Variants in CSMD1 observed in about 807,000 individuals in gnomAD.
CSMD1 encodes the protein CUB and Sushi multiple domains 1, also known as CUB and sushi domain-containing protein 1.
Under a neutral mutation model 417.5 loss-of-function variants are expected in CSMD1, and 213 were observed. The observed-to-expected ratio is 0.51, with a 90% confidence interval of 0.46 to 0.57. The LOEUF is 0.57. Ranked by LOEUF, CSMD1 falls within the 20% of genes least tolerant of loss-of-function variation. The probability of loss-of-function intolerance (pLI) is 0.00; values close to 1 mark genes in which losing one functional copy is unlikely to be tolerated. For missense variants in CSMD1, 6,923 were observed against 4,529.7 expected (o/e 1.53, Z -15.17); for synonymous variants, 2,862 against 1,736.8 (o/e 1.65, Z -16.11).
chr8:3,627,861 C>A (rs1038204437), intron 7 of CSMD1, among the ~76,000 whole-genome samples: 2 of 152,138 alleles, frequency 1.3e-5, no homozygotes, highest in Admixed American at 6.5e-5. Flanking sequence ...GTTCTTTGTA[C>A]ATTAATTCAC....
At chr8:4,561,425 G>C (rs1798326062) in intron 2 of CSMD1, among the ~76,000 whole-genome samples, 1 of 152,164 alleles carries the variant, frequency 6.6e-6, no homozygotes, top group African/African-American at 2.4e-5. Context: ...GCTCATGCCT[G>C]TAATCTCAGC....
chr8:4,070,430 T>G (rs1175111102), intron 3 of CSMD1, among the ~76,000 whole-genome samples: 1 of 152,128 alleles, frequency 6.6e-6, no homozygotes, highest in Non-Finnish European at 1.5e-5. Context: ...GGATCTCGGC[T>G]CACTGCAAGC....
intron 5 of CSMD1, among the ~76,000 whole-genome samples, chr8:3,843,027 T>G (rs1417511741): frequency 1.3e-5 from 2 of 152,186 alleles, no homozygotes; most frequent in Admixed American, 6.5e-5. Flanking sequence ...GTAAGGATTA[T>G]TAGTATTCAC....
Position 4,046,551 on chromosome 8 carries a change from T to G in CSMD1, c.416-14452A>C, listed in dbSNP as rs529872713. Among the ~76,000 whole-genome samples the G allele has an allele frequency of 1.1e-4, 16 of 152,326 alleles. No individual in the cohort carries two copies. The East Asian group carries it at 2.9e-3, about 28-fold the overall frequency. ...GTCATGTATTCAACTCTGTACATAG[T>G]ATAACTGTGGGCTTCCAGGTATTTT... is the stretch of plus-strand genomic sequence containing the variant. On this transcript the variant is annotated intron_variant, in intron 3 of 69. Transcript: ENST00000635120.
intron 1 of CSMD1, among the ~76,000 whole-genome samples, chr8:4,758,442 T>C (rs952189840): frequency 2.6e-5 from 4 of 152,032 alleles, no homozygotes; most frequent in African/African-American, 9.7e-5. Context: ...AAAGGTGACA[T>C]AAAGGAAGCG....
chr8:4,302,737 C>T (rs957955407), intron 3 of CSMD1, among the ~76,000 whole-genome samples: 1 of 152,092 alleles, frequency 6.6e-6, no homozygotes. Flanking sequence ...CTCATTAAGT[C>T]ATTTAGTTTT....
chr8:4,168,675 T>A (rs568267818), intron 3 of CSMD1, among the ~76,000 whole-genome samples: 8 of 152,256 alleles, frequency 5.3e-5, no homozygotes, highest in Non-Finnish European at 8.8e-5. Flanking sequence ...TCACATTTTT[T>A]AAAAAATGCT....
At chr8:4,003,676 G>A (rs1004784991) in intron 4 of CSMD1, among the ~76,000 whole-genome samples, 2 of 152,274 alleles carry the variant, frequency 1.3e-5, no homozygotes, top group Non-Finnish European at 2.9e-5. Flanking sequence ...TGATCTAGTT[G>A]TATGTTCCTA....
At chr8:3,688,242 T>C (rs868073789) in intron 7 of CSMD1, among the ~76,000 whole-genome samples, 1 of 152,232 alleles carries the variant, frequency 6.6e-6, no homozygotes, top group Non-Finnish European at 1.5e-5. Context: ...AGTATAATTT[T>C]ATTCAAAATT....
intron 26 of CSMD1, among the ~76,000 whole-genome samples, chr8:3,275,698 C>A (rs74611840): frequency 6.6e-6 from 1 of 151,918 alleles, no homozygotes; most frequent in Non-Finnish European, 1.5e-5. Flanking sequence ...ATCACTGATA[C>A]CATTTCTTCC....
intron 3 of CSMD1, among the ~76,000 whole-genome samples, chr8:4,307,085 A>G (rs1477712501): frequency 2.0e-5 from 3 of 151,936 alleles, no homozygotes; most frequent in East Asian, 1.9e-4. Context: ...ACTATTGCCA[A>G]TTTCAATTGT....
chr8:3,693,062 A>T (rs1225644037), intron 7 of CSMD1, among the ~76,000 whole-genome samples: 1 of 152,192 alleles, frequency 6.6e-6, no homozygotes, highest in African/African-American at 2.4e-5. Flanking sequence ...TCTTAGTAAT[A>T]ATCAGGAATA....
At chr8:3,010,202 C>T (rs903232762) in intron 52 of CSMD1, among the ~76,000 whole-genome samples, 3 of 152,338 alleles carry the variant, frequency 2.0e-5, no homozygotes, top group South Asian at 4.1e-4. Flanking sequence ...TCAGGTTTCT[C>T]CTACAATAGG....
At chr8:4,751,642 C>G (rs1328263396) in intron 1 of CSMD1, among the ~76,000 whole-genome samples, 1 of 152,146 alleles carries the variant, frequency 6.6e-6, no homozygotes, top group Admixed American at 6.5e-5. Flanking sequence ...AAAAATGCCA[C>G]TATCACCCTC....
intron 21 of CSMD1, among the ~76,000 whole-genome samples, chr8:3,353,471 T>G (rs1808546873): frequency 6.6e-6 from 1 of 152,154 alleles, no homozygotes; most frequent in Non-Finnish European, 1.5e-5. Flanking sequence ...GGCCTCCTAG[T>G]ACACAAAAAC....
chr8:3,929,448 G>C (rs928867716), intron 5 of CSMD1, among the ~76,000 whole-genome samples: 13 of 150,478 alleles, frequency 8.6e-5, no homozygotes, highest in African/African-American at 2.9e-4. Context: ...AAAAGCTGGA[G>C]GGGACAGAAC....
At chr8:4,286,953 T>C (rs1030532208) in intron 3 of CSMD1, among the ~76,000 whole-genome samples, 1 of 152,142 alleles carries the variant, frequency 6.6e-6, no homozygotes, top group African/African-American at 2.4e-5. Context: ...AACAATTCCA[T>C]AGAGGCAGCT....
chr8:4,346,529 G>C (rs1025593982), intron 3 of CSMD1, among the ~76,000 whole-genome samples: 2 of 152,058 alleles, frequency 1.3e-5, no homozygotes, highest in Non-Finnish European at 2.9e-5. Flanking sequence ...TTAAAATCCA[G>C]TTACAGAAAA....
At chr8:4,913,697 C>G (rs1421187577) in intron 1 of CSMD1, among the ~76,000 whole-genome samples, 1 of 152,148 alleles carries the variant, frequency 6.6e-6, no homozygotes, top group Non-Finnish European at 1.5e-5. Context: ...CTTTTCCTGA[C>G]TACAATTAAT....
Sources: allele counts gnomAD v4.1 joint callset (sites outside exome capture counted in the v4.1 genomes callset), GRCh38; gene constraint gnomAD v4.1.1; transcripts MANE v1.5; gene names NCBI Gene and HGNC (gene_info 2026-07-23, HGNC 2026-07-21).